Variants in CTNNA2 observed in about 807,000 individuals in gnomAD.
CTNNA2 encodes the protein catenin alpha 2, also known as catenin alpha-2.
In CTNNA2, 42 loss-of-function variants were observed where a neutral mutation model predicts 101.0. The observed-to-expected ratio is 0.42, with a 90% CI of 0.32 to 0.54. The LOEUF (loss-of-function observed/expected upper bound fraction) is 0.54. Ranked by LOEUF, CTNNA2 falls within the 20% of genes least tolerant of loss-of-function variation. CTNNA2 has a pLI of 0.14. For synonymous variants in CTNNA2, 450 were observed against 456.4 expected (o/e 0.99, Z 0.18); for missense variants, 871 against 1,223.1 (o/e 0.71, Z 4.29).
chr2:79,947,835 A>G (rs1378200191), intron 7 of CTNNA2, among the ~76,000 whole-genome samples: 1 of 152,180 alleles, frequency 6.6e-6, no homozygotes, highest in African/African-American at 2.4e-5. Context: ...AAGGAGAGGT[A>G]AAGAGGACTA....
chr2:79,687,199 G>A (rs1165563945), intron 2 of CTNNA2, among the ~76,000 whole-genome samples: 6 of 152,052 alleles, frequency 3.9e-5, no homozygotes, highest in Non-Finnish European at 5.9e-5. Context: ...AAGACCCCTT[G>A]GTGAGAGAAT....
chr2:79,296,221 A>G (rs1675977074), intron 2 of CTNNA2, among the ~76,000 whole-genome samples: 1 of 152,166 alleles, frequency 6.6e-6, no homozygotes, highest in Non-Finnish European at 1.5e-5. Flanking sequence ...CACAGCAGAT[A>G]AGGAATCATC....
At chr2:80,006,836 A>T (rs1473706572) in intron 7 of CTNNA2, among the ~76,000 whole-genome samples, 7 of 151,352 alleles carry the variant, frequency 4.6e-5, no homozygotes, top group African/African-American at 1.7e-4. Flanking sequence ...TTATATTTTC[A>T]CTCTGTTCTT....
At chr2:79,313,162 T>C (rs1407325732) in intron 3 of CTNNA2, among the ~76,000 whole-genome samples, 3 of 152,214 alleles carry the variant, frequency 2.0e-5, no homozygotes, top group Non-Finnish European at 4.4e-5. Context: ...GTTTGCATTT[T>C]ATAGTTGGAG....
chr2:79,491,662 A>C (rs1671208135), intron 4 of CTNNA2, among the ~76,000 whole-genome samples: 1 of 152,128 alleles, frequency 6.6e-6, no homozygotes. Flanking sequence ...TGAAATCTGG[A>C]CCTATTACTA....
intron 7 of CTNNA2, among the ~76,000 whole-genome samples, chr2:79,922,496 C>G (rs1440731616): frequency 1.3e-5 from 2 of 152,072 alleles, no homozygotes; most frequent in Non-Finnish European, 2.9e-5. Flanking sequence ...TGCTGATTCT[C>G]TGACCTTCTC....
At chr2:79,396,822 A>T (rs1249925857) in intron 4 of CTNNA2, among the ~76,000 whole-genome samples, 2 of 152,176 alleles carry the variant, frequency 1.3e-5, no homozygotes, top group African/African-American at 4.8e-5. Flanking sequence ...TTGGGCAAAA[A>T]ATAACAATCT....
rs528720171 is a variant in CTNNA2, at chr2:79,559,027, G to A, written c.-6+45820G>A. ...ACTCAAATATTTTATTTTATCCTCG[G>A]TTTTCATACACTCAGCACCTATTAT... On this transcript the variant is annotated intron_variant, in intron 1 of 18. Transcript: ENST00000402739. Among the ~76,000 whole-genome samples the A allele has an allele frequency of 2.2e-4, 33 of 151,524 alleles. 1 individual carries two copies. In the South Asian group the frequency reaches 6.5e-3, roughly 30 times the overall value.
Position 79,744,489 on chromosome 2 carries a change from C to A in CTNNA2, c.205C>A (p.Gln69Lys). ...VLAASVEQAT[Q>K]NFLEKGEQIA... ...AGCTGCCTCTGTAGAGCAAGCCACT[C>A]AGAATTTCCTGGAAAAGGGTGAACA... The change falls in exon 3 of 19, where the codon CAG becomes AAG. Residue 69 changes from glutamine (Q) to lysine (K), a missense_variant. Physicochemically the swap from Gln to Lys is moderately conservative, Grantham distance 53 (BLOSUM62 1). Around this residue, in one of 5 missense-constraint regions of CTNNA2, gnomAD observed 647 missense variants for 831.5 expected, o/e 0.78. Coordinates refer to ENST00000402739, the MANE Select transcript of CTNNA2 (RefSeq NM_001282597.3). 2.5e-6 allele frequency: 4 copies of A among 1,614,084 alleles called. No individual in the cohort carries two copies. In the South Asian group the frequency reaches 3.3e-5, roughly 13 times the overall value.
chr2:79,979,726 TA>T (rs889275802), intron 7 of CTNNA2, among the ~76,000 whole-genome samples: 82 of 149,550 alleles, frequency 5.5e-4, no homozygotes, highest in East Asian at 4.1e-3. Flanking sequence ...AATAAGTATT[TA>T]AAAAAAAAAT....
intron 3 of CTNNA2, among the ~76,000 whole-genome samples, chr2:79,816,621 A>G (rs1462927059): frequency 6.6e-6 from 1 of 152,228 alleles, no homozygotes; most frequent in Non-Finnish European, 1.5e-5. Context: ...ATGGAAGAAA[A>G]GCACTGAAAA....
intron 7 of CTNNA2, among the ~76,000 whole-genome samples, chr2:79,988,400 C>T (rs771671415): frequency 6.6e-6 from 1 of 151,804 alleles, no homozygotes; most frequent in Non-Finnish European, 1.5e-5. Context: ...AAAATGGCCA[C>T]ATCAGAAAAA....
At chr2:79,318,499 C>G (rs1390482038) in intron 3 of CTNNA2, among the ~76,000 whole-genome samples, 1 of 152,146 alleles carries the variant, frequency 6.6e-6, no homozygotes, top group Non-Finnish European at 1.5e-5. Context: ...TGTTGGTTTC[C>G]AAGCACTGGC....
intron 9 of CTNNA2, among the ~76,000 whole-genome samples, chr2:80,427,788 C>G (rs1681127003): frequency 6.6e-6 from 1 of 152,332 alleles, no homozygotes; most frequent in East Asian, 1.9e-4. Context: ...AATCCTTCCC[C>G]TTGCACAATG....
intron 7 of CTNNA2, among the ~76,000 whole-genome samples, chr2:80,226,921 A>T (rs2149066089): frequency 6.6e-6 from 1 of 151,752 alleles, no homozygotes; most frequent in Non-Finnish European, 1.5e-5. Flanking sequence ...CTTTTATTTC[A>T]TTTCCCTAAA....
At chr2:79,644,720 T>C (rs1680685842) in intron 1 of CTNNA2, among the ~76,000 whole-genome samples, 1 of 152,200 alleles carries the variant, frequency 6.6e-6, no homozygotes, top group Non-Finnish European at 1.5e-5. Flanking sequence ...GCCCCACGCA[T>C]GCATTAGAAC....
In CTNNA2 at chr2:79,869,810, C is replaced by A. The variant is rs1419249597; in HGVS notation, c.466-6C>A. 1.2e-6 allele frequency: 2 copies of A among 1,611,868 alleles called. No homozygotes were observed. Among genetic ancestry groups the A allele is most frequent in the Non-Finnish European group, 1.7e-6 (2 of 1,179,418 alleles). ...CTAATAAATATGTTGTTTTTCACCACTGCAGGTGGAAGAGGCCCTGGAAGC... is the reference window on the plus strand; with the variant it reads ...CTAATAAATATGTTGTTTTTCACCAATGCAGGTGGAAGAGGCCCTGGAAGC... On this transcript the variant is annotated splice_region_variant and splice_polypyrimidine_tract_variant and intron_variant, in intron 4 of 18. Coordinates refer to ENST00000402739, the MANE Select transcript of CTNNA2 (RefSeq NM_001282597.3).
intron 7 of CTNNA2, among the ~76,000 whole-genome samples, chr2:80,221,224 A>C (rs1708558008): frequency 6.6e-6 from 1 of 152,198 alleles, no homozygotes; most frequent in Non-Finnish European, 1.5e-5. Context: ...ATATAATAGG[A>C]ATCAAGCACA....
intron 3 of CTNNA2, among the ~76,000 whole-genome samples, chr2:79,799,993 G>T (rs1676032795): frequency 6.6e-6 from 1 of 152,096 alleles, no homozygotes; most frequent in South Asian, 2.1e-4. Context: ...GATCTGAAAG[G>T]CCAAGTGACT....
Sources: gnomAD v4.1 joint callset for allele counts (sites outside exome capture counted in the v4.1 genomes callset) on GRCh38, gnomAD v4.1.1 for gene constraint, gnomAD v4.1.1 regional missense constraint, MANE v1.5 for transcripts, NCBI Gene and HGNC (gene_info 2026-07-23, HGNC 2026-07-21) for gene names.